The following NALF1 variants were observed in gnomAD, a reference collection of about 807,000 sequenced individuals.
The protein encoded by NALF1 is NALCN channel auxiliary factor 1, also known as family with sequence similarity 155 member A.
A neutral mutation model predicts 48.4 loss-of-function variants in NALF1; 3 were observed. The ratio of observed to expected loss-of-function variants is 0.06; its 90% CI spans 0.03 to 0.16. The LOEUF is 0.16. Ranked by LOEUF, NALF1 falls within the 10% of genes least tolerant of loss-of-function variation. NALF1 has a pLI of 1.00. For missense variants in NALF1, 526 were observed against 571.5 expected (o/e 0.92, Z 0.81); for synonymous variants, 262 against 245.7 (o/e 1.07, Z -0.62).
intron 1 of NALF1, among the ~76,000 whole-genome samples, chr13:107,643,984 A>G (rs985197514): frequency 8.0e-5 from 12 of 149,908 alleles, no homozygotes; most frequent in African/African-American, 2.7e-4. Flanking sequence ...TTTTTTGCCA[A>G]AATTTTTTAT....
At chr13:107,432,559 C>T (rs1460083329) in intron 1 of NALF1, among the ~76,000 whole-genome samples, 1 of 152,152 alleles carries the variant, frequency 6.6e-6, no homozygotes. Flanking sequence ...TTGAAATATG[C>T]ATTCAAGAAG....
At chr13:107,538,458 C>T (rs1381435742) in intron 1 of NALF1, among the ~76,000 whole-genome samples, 1 of 152,126 alleles carries the variant, frequency 6.6e-6, no homozygotes, top group Non-Finnish European at 1.5e-5. Context: ...AAAGGTGAAA[C>T]CATTGGAGCT....
At chr13:107,829,417 G>A (rs1879639352) in intron 1 of NALF1, among the ~76,000 whole-genome samples, 1 of 152,118 alleles carries the variant, frequency 6.6e-6, no homozygotes, top group African/African-American at 2.4e-5. Context: ...TGGAGAACCT[G>A]ACATTTAAAT....
chr13:107,486,501 T>C (rs1284895938), intron 1 of NALF1, among the ~76,000 whole-genome samples: 2 of 152,112 alleles, frequency 1.3e-5, no homozygotes, highest in African/African-American at 2.4e-5. Flanking sequence ...CCCACATCTC[T>C]GAGGCTACAG....
intron 1 of NALF1, among the ~76,000 whole-genome samples, chr13:107,397,916 T>A (rs1273449347): frequency 6.6e-6 from 1 of 152,146 alleles, no homozygotes; most frequent in Admixed American, 6.5e-5. Flanking sequence ...TGATGGCCAT[T>A]GTGAAAAGTG....
chr13:107,359,526 TTC>T (rs1017395681), intron 1 of NALF1, among the ~76,000 whole-genome samples: 18 of 152,106 alleles, frequency 1.2e-4, no homozygotes, highest in Admixed American at 5.2e-4. Flanking sequence ...AATATTAATA[TTC>T]TGTCATATTA....
intron 1 of NALF1, among the ~76,000 whole-genome samples, chr13:107,697,947 C>A (rs1200092365): frequency 6.6e-6 from 1 of 152,156 alleles, no homozygotes; most frequent in Non-Finnish European, 1.5e-5. Flanking sequence ...CTTGCACCTA[C>A]TTCTGTAGTT....
At chr13:107,466,696 G>C (rs918188189) in intron 1 of NALF1, 1 of 152,196 alleles carries the variant, frequency 6.6e-6, no homozygotes, top group Non-Finnish European at 1.5e-5. Context: ...CAGAAGCAGA[G>C]ATTGAGAGAG....
intron 1 of NALF1, among the ~76,000 whole-genome samples, chr13:107,540,377 A>G (rs1475585768): frequency 3.3e-5 from 5 of 152,126 alleles, no homozygotes; most frequent in African/African-American, 1.2e-4. Flanking sequence ...TGATTTCAGC[A>G]GTTTTTTAAT....
At chr13:107,707,612 C>A (rs1875436229) in intron 1 of NALF1, among the ~76,000 whole-genome samples, 2 of 152,198 alleles carry the variant, frequency 1.3e-5, no homozygotes, top group Non-Finnish European at 1.5e-5. Flanking sequence ...AATGCACAGA[C>A]CAGTTGTGGT....
intron 1 of NALF1, among the ~76,000 whole-genome samples, chr13:107,664,617 C>A (rs1347889721): frequency 6.6e-6 from 1 of 152,174 alleles, no homozygotes; most frequent in Non-Finnish European, 1.5e-5. Context: ...GACTTCTCTC[C>A]TATTCTACTC....
intron 1 of NALF1, among the ~76,000 whole-genome samples, chr13:107,800,662 ACAT>A (rs921485712): frequency 1.1e-4 from 16 of 147,352 alleles, no homozygotes; most frequent in African/African-American, 2.0e-4. Flanking sequence ...AATATATAAT[ACAT>A]CATATTGTAT....
At chr13:107,377,051 T>C (rs1415642510) in intron 1 of NALF1, among the ~76,000 whole-genome samples, 2 of 152,148 alleles carry the variant, frequency 1.3e-5, no homozygotes, top group East Asian at 3.9e-4. Context: ...TGCCTCCTAT[T>C]GTGTAGAGTA....
At chr13:107,425,666 T>C (rs967841575) in intron 1 of NALF1, among the ~76,000 whole-genome samples, 1 of 152,188 alleles carries the variant, frequency 6.6e-6, no homozygotes, top group Non-Finnish European at 1.5e-5. Context: ...GATATCTCTC[T>C]ACTATGATTT....
At chr13:107,715,196 T>C (rs1316702346) in intron 1 of NALF1, among the ~76,000 whole-genome samples, 2 of 151,908 alleles carry the variant, frequency 1.3e-5, no homozygotes, top group East Asian at 1.9e-4. Flanking sequence ...ATTTCTTTCT[T>C]TCTCTCTCTT....
chr13:107,210,632 C>T lies in NALF1; in HGVS notation c.1039G>A (p.Asp347Asn), dbSNP rs748887839. 36 of 1,613,274 alleles carry T rather than the reference C, an allele frequency of 2.2e-5. No individual in the cohort carries two copies. The highest frequency in any genetic ancestry group is 3.3e-5 in the South Asian group (3 of 91,050). The change falls in exon 2 of 3, where the codon GAC becomes AAC. Residue 347 changes from aspartate to asparagine, a missense_variant. Asp to Asn is a conservative substitution (Grantham distance 23). Coordinates refer to ENST00000375915, the MANE Select transcript of NALF1 (RefSeq NM_001080396.3). ...CCTCCGTAGATGACTTCATCATTGT[C>T]GGGCAATATAAATGGACACCTCGTC... ...VQTRCPFILPDNDEVIYGGLS... is the reference protein window; with the variant it reads ...VQTRCPFILPNNDEVIYGGLS...
At chr13:107,318,150 T>C (rs1405535737) in intron 1 of NALF1, among the ~76,000 whole-genome samples, 4 of 152,144 alleles carry the variant, frequency 2.6e-5, no homozygotes, top group African/African-American at 9.7e-5. Context: ...TAATTTTGTT[T>C]CATTTTATTA....
chr13:107,445,675 A>G (rs1271900826), intron 1 of NALF1, among the ~76,000 whole-genome samples: 1 of 152,152 alleles, frequency 6.6e-6, no homozygotes, highest in Non-Finnish European at 1.5e-5. Flanking sequence ...CTGCATTCCT[A>G]CCAGCAATAT....
intron 1 of NALF1, among the ~76,000 whole-genome samples, chr13:107,734,463 T>C (rs191881238): frequency 0.017 from 2,627 of 151,606 alleles, 33 homozygotes; most frequent in Non-Finnish European, 0.026. Flanking sequence ...CAGAGTTAGA[T>C]GCAGAGTCAT....
Sources: allele counts gnomAD v4.1 joint callset (sites outside exome capture counted in the v4.1 genomes callset), GRCh38; gene constraint gnomAD v4.1.1; transcripts MANE v1.5; gene names NCBI Gene and HGNC (gene_info 2026-07-23, HGNC 2026-07-21).